The following POLR3H variants were observed in gnomAD, a reference collection of about 807,000 sequenced individuals.
POLR3H encodes the protein DNA-directed RNA polymerase III subunit RPC8.
A neutral mutation model predicts 25.5 loss-of-function variants in POLR3H; 17 were observed. The observed-to-expected ratio is 0.67, with a 90% CI of 0.46 to 1.00. The LOEUF is 1.00. Among genes scored for constraint, POLR3H ranks in the 50% least tolerant of loss-of-function variants. The pLI, the probability that POLR3H is intolerant of heterozygous loss-of-function variation, is 0.00. For synonymous variants in POLR3H, 129 were observed against 103.0 expected, an observed-to-expected ratio of 1.25 and a Z score of -1.53; for missense variants, 274 against 265.0, an observed-to-expected ratio of 1.03 and a Z score of -0.24.
rs765222626 is a variant in POLR3H at position 41,529,709 on chromosome 22, TTTA to T, written c.562-376_562-374del. 40 of 552,472 alleles carry T rather than the reference TTTA, an allele frequency of 7.2e-5. No individual in the cohort carries two copies. The Middle Eastern group carries it at 6.3e-3, about 87-fold the overall frequency. 34.2% of individuals were successfully genotyped at this position (552,472 alleles called of 1,614,324 possible). Reference sequence around the variant, plus strand: ...GCCACTCTTCCCCGGAGCCCTCCCTTTTATTTCACTGCTGCAATGCTGCTCCTA... The same window carrying T: ...GCCACTCTTCCCCGGAGCCCTCCCTTTTTCACTGCTGCAATGCTGCTCCTA... On this transcript the variant is annotated intron_variant, in intron 5 of 5. Transcript: ENST00000355209.
rs1362831618 is a variant in POLR3H, at chr22:41,528,589, C to G, written c.*694G>C. 6.2e-7 allele frequency: 1 copy of G among 1,612,160 alleles called. No individual in the cohort carries two copies. Among genetic ancestry groups the G allele is most frequent in the African/African-American group, 1.3e-5 (1 of 74,908 alleles). On this transcript the variant is annotated 3_prime_UTR_variant, in exon 6 of 6. Coordinates refer to ENST00000355209, the MANE Select transcript of POLR3H (RefSeq NM_001018050.4). Reference sequence around the variant, plus strand: ...GGTTCCGCGCTGGCAGTGCCCTCAACAGAATGAAGGAACTGCAACAGTGAG... The same window carrying G: ...GGTTCCGCGCTGGCAGTGCCCTCAAGAGAATGAAGGAACTGCAACAGTGAG...
In POLR3H at chr22:41,529,051, AG is replaced by A; in HGVS notation, c.*231del. 1.8e-6 allele frequency: 1 copy of A among 568,180 alleles called. No individual in the cohort carries two copies. The highest frequency in any genetic ancestry group is 3.1e-6 in the Non-Finnish European group (1 of 320,252). The allele number at this position is 568,180 out of a possible 1,614,324, so 35.2% of individuals were successfully genotyped here. A position where few individuals can be genotyped will look rare whatever the true frequency, so the allele number is the denominator to read the frequency against. ...GGTCCAGGAAGGGTCTTTTCAGTCA[AG>A]GTCAGTGGAGGCCCAACAGCCACAG... On this transcript the variant is annotated 3_prime_UTR_variant, in exon 6 of 6. Transcript: ENST00000355209.
At chr22:41,535,109 T>C (rs974297753) in intron 2 of POLR3H, among the ~76,000 whole-genome samples, 5 of 152,142 alleles carry the variant, frequency 3.3e-5, no homozygotes, top group African/African-American at 1.2e-4. Flanking sequence ...CAGATTCAAC[T>C]CCTAGCGTTT....
At chr22:41,542,892 A>G (rs2145576433) in intron 1 of POLR3H, among the ~76,000 whole-genome samples, 1 of 152,166 alleles carries the variant, frequency 6.6e-6, no homozygotes, top group Middle Eastern at 3.4e-3. Flanking sequence ...AATCCCAGCT[A>G]CTCAGGAGGC....
Position 41,527,359 on chromosome 22 carries a change from T to C in POLR3H, c.*1924A>G, listed in dbSNP as rs1342952328. 1.2e-6 allele frequency: 2 copies of C among 1,613,950 alleles called. No individual in the cohort carries two copies. Among genetic ancestry groups the C allele is most frequent in the Non-Finnish European group, 1.7e-6 (2 of 1,180,024 alleles). On this transcript the variant is annotated 3_prime_UTR_variant, in exon 6 of 6. Transcript: ENST00000355209. Reference sequence around the variant, plus strand: ...AGGGCTCGAGCCGGGAGCATGCAGCTCTGGAGCCTCGCCACCTTGGGGGCC... The same window carrying C: ...AGGGCTCGAGCCGGGAGCATGCAGCCCTGGAGCCTCGCCACCTTGGGGGCC...
Position 41,529,161 on chromosome 22 carries a change from C to CA in POLR3H, c.*121_*122insT. ...GGGGCAAGCTGGTGGGCACTCCTGG[C>CA]CTTGCCTCACTGTCCAGCTCGAGAC... On this transcript the variant is annotated 3_prime_UTR_variant, in exon 6 of 6. Transcript: ENST00000355209. The CA allele has an allele frequency of 1.2e-6, 1 of 843,696 alleles. No homozygotes were observed. Among genetic ancestry groups the CA allele is most frequent in the Non-Finnish European group, 1.9e-6 (1 of 539,360 alleles). The allele number at this position is 843,696 out of a possible 1,614,324, so 52.3% of individuals were successfully genotyped here.
At chr22:41,536,454 G>A (rs1601957110) in intron 2 of POLR3H, among the ~76,000 whole-genome samples, 1 of 151,716 alleles carries the variant, frequency 6.6e-6, no homozygotes, top group Admixed American at 6.6e-5. Context: ...ATATGAATGT[G>A]CCTAATGCCA....
Position 41,529,334 on chromosome 22 carries a change from T to G in POLR3H, c.564A>C (p.Gly188=). Reference sequence around the variant, plus strand: ...GGCCCAGGCCTGGCTCACTGATGGATCCCTGCCAGGGATAAAGAACACGCA... The same window carrying G: ...GGCCCAGGCCTGGCTCACTGATGGAGCCCTGCCAGGGATAAAGAACACGCA... ...PKKEAPYTLV[G]SISEPGLGLL... is the part of the protein sequence containing the mutation. Residue 188 remains glycine (G), a splice_region_variant and synonymous_variant, in exon 6 of 6, where the codon GGA becomes GGC. Transcript: ENST00000355209. 6.2e-7 allele frequency: 1 copy of G among 1,613,686 alleles called. No individual in the cohort carries two copies. The highest frequency in any genetic ancestry group is 1.1e-5 in the South Asian group (1 of 91,062).
Position 41,536,165 on chromosome 22 carries a change from G to A in POLR3H, c.209-3420C>T, listed in dbSNP as rs2066841421. Among the ~76,000 whole-genome samples the A allele has an allele frequency of 2.0e-5, 3 of 151,562 alleles. No homozygotes were observed. The South Asian group carries it at 6.2e-4, about 32-fold the overall frequency. On this transcript the variant is annotated intron_variant, in intron 2 of 5. Coordinates refer to ENST00000355209, the MANE Select transcript of POLR3H (RefSeq NM_001018050.4). ...CCCAGCACTTTGGGAGCCCAAGGCG[G>A]GCGGATCACGAGGTCAGGAGATCGA...
intron 2 of POLR3H, chr22:41,540,179 C>T (rs1329533303): frequency 1.6e-5 from 4 of 250,258 alleles, no homozygotes; most frequent in African/African-American, 2.2e-5. Context: ...GTCCCCCACC[C>T]CCAGCCAGCC....
At chr22:41,530,636 A>G (rs2066708627) in intron 5 of POLR3H, 51 bp downstream of exon 5, 1 of 1,523,268 alleles carries the variant, frequency 6.6e-7, no homozygotes, top group East Asian at 2.3e-5. Context: ...CCAGCCCTGC[A>G]CTCCGGCTCT....
intron 1 of POLR3H, chr22:41,543,664 C>A (rs78831364): frequency 0.033 from 14,593 of 445,536 alleles, 338 homozygotes; most frequent in Non-Finnish European, 0.048. Context: ...ACAACAACAA[C>A]AAAAACAATG....
At chr22:41,533,570 C>T in intron 2 of POLR3H, 1 of 1,288,342 alleles carries the variant, frequency 7.8e-7, no homozygotes, top group Non-Finnish European at 1.0e-6. Context: ...CAGGTTTAAT[C>T]CCAAACACAG....
At chr22:41,533,626 A>G in intron 2 of POLR3H, 1 of 1,303,586 alleles carries the variant, frequency 7.7e-7, no homozygotes, top group South Asian at 1.2e-5. Flanking sequence ...CATGCCCCCC[A>G]GGACGGCAGG....
rs2066606708 is a variant in POLR3H, at chr22:41,526,761, G to T, written c.*2522C>A. On this transcript the variant is annotated 3_prime_UTR_variant, in exon 6 of 6. Coordinates refer to ENST00000355209, the MANE Select transcript of POLR3H (RefSeq NM_001018050.4). ...GGAAGTCAGAGGCCAAAAGCTCAGAGAGGGGGCTACACGGGGCCTCACAGT... is the reference window on the plus strand; with the variant it reads ...GGAAGTCAGAGGCCAAAAGCTCAGATAGGGGGCTACACGGGGCCTCACAGT... 5.4e-6 allele frequency: 2 copies of T among 369,518 alleles called. No individual in the cohort carries two copies. The highest frequency in any genetic ancestry group is 9.9e-6 in the Non-Finnish European group (2 of 202,358). 22.9% of individuals were successfully genotyped at this position (369,518 alleles called of 1,614,324 possible).
rs989190567 is a variant in POLR3H at position 41,529,204 on chromosome 22, G to A, written c.*79C>T. On this transcript the variant is annotated 3_prime_UTR_variant, in exon 6 of 6. Coordinates refer to ENST00000355209, the MANE Select transcript of POLR3H (RefSeq NM_001018050.4). ...CTCGAGACACTATCTCCTTAGCATCGGCCTCAGCTGCTGTTGTCTTCACAG... is the reference window on the plus strand; with the variant it reads ...CTCGAGACACTATCTCCTTAGCATCAGCCTCAGCTGCTGTTGTCTTCACAG... The A allele has an allele frequency of 1.6e-5, 20 of 1,270,070 alleles. 1 individual carries two copies. Among genetic ancestry groups the A allele is most frequent in the South Asian group, 7.6e-5 (6 of 78,618 alleles). The allele number at this position is 1,270,070 out of a possible 1,614,324, so 78.7% of individuals were successfully genotyped here. A position where few individuals can be genotyped will look rare whatever the true frequency, so the allele number is the denominator to read the frequency against.
In POLR3H at chr22:41,527,047, T is replaced by G; in HGVS notation, c.*2236A>C. On this transcript the variant is annotated 3_prime_UTR_variant, in exon 6 of 6. Coordinates refer to ENST00000355209, the MANE Select transcript of POLR3H (RefSeq NM_001018050.4). ...CTCTGCCAAGCACCAATGGGTGGCT[T>G]CTGTCTTCTTTGCCACTGCAAACAA... is the stretch of plus-strand genomic sequence containing the variant. 1.7e-6 allele frequency: 1 copy of G among 592,808 alleles called. No homozygotes were observed. Among genetic ancestry groups the G allele is most frequent in the Non-Finnish European group, 3.0e-6 (1 of 337,096 alleles). 36.7% of individuals were successfully genotyped at this position (592,808 alleles called of 1,614,324 possible).
intron 2 of POLR3H, among the ~76,000 whole-genome samples, chr22:41,534,690 A>G (rs2066810924): frequency 6.6e-6 from 1 of 151,946 alleles, no homozygotes; most frequent in South Asian, 2.1e-4. Flanking sequence ...TCAGCAGTTC[A>G]AGACCATCCT....
chr22:41,527,645 G>C lies in POLR3H; in HGVS notation c.*1638C>G. ...CAGGCTTGTAGATCTGAGCCGCTGA[G>C]ATCTAGGACATGTGCCAGGGGGTTC... On this transcript the variant is annotated 3_prime_UTR_variant, in exon 6 of 6. Transcript: ENST00000355209. 1.3e-6 allele frequency: 1 copy of C among 797,268 alleles called. No individual in the cohort carries two copies. The highest frequency in any genetic ancestry group is 1.9e-6 in the Non-Finnish European group (1 of 516,284). The allele number at this position is 797,268 out of a possible 1,614,324, so 49.4% of individuals were successfully genotyped here. A position where few individuals can be genotyped will look rare whatever the true frequency, so the allele number is the denominator to read the frequency against.
Sources: allele counts gnomAD v4.1 joint callset (sites outside exome capture counted in the v4.1 genomes callset), GRCh38; gene constraint gnomAD v4.1.1; transcripts MANE v1.5; gene names NCBI Gene and HGNC (gene_info 2026-07-23, HGNC 2026-07-21).